Variants in SPTAN1 observed in about 807,000 individuals in gnomAD.
The protein encoded by SPTAN1 is spectrin alpha chain, non-erythrocytic 1.
SPTAN1 carries 61 observed loss-of-function variants against 331.3 expected under a neutral mutation model. That is an observed-to-expected ratio of 0.18 (90% CI 0.15 to 0.23). The LOEUF is 0.23. Among genes scored for constraint, SPTAN1 ranks in the 10% least tolerant of loss-of-function variants. The pLI, the probability that SPTAN1 is intolerant of heterozygous loss-of-function variation, is 1.00. For synonymous variants in SPTAN1, 1,153 were observed against 1,173.9 expected, an observed-to-expected ratio of 0.98 and a Z score of 0.36; for missense variants, 2,043 against 3,147.9, an observed-to-expected ratio of 0.65 and a Z score of 8.40.
chr9:128,584,433 A>C lies in SPTAN1; in HGVS notation c.2345A>C (p.Asp782Ala). 6.2e-7 allele frequency: 1 copy of C among 1,614,164 alleles called. No individual in the cohort carries two copies. Among genetic ancestry groups the C allele is most frequent in the Admixed American group, 1.7e-5 (1 of 60,030 alleles). Residue 782 changes from aspartate to alanine, a missense_variant, in exon 17 of 57, where the codon GAT (aspartate) becomes GCT (alanine). By Grantham distance (126) the Asp-to-Ala change is moderately radical. Coordinates refer to ENST00000372739, the MANE Select transcript of SPTAN1 (RefSeq NM_001130438.3). Reference sequence around the variant, plus strand: ...GTTGCCCGGAAGCAGAAGCTGGCCGATTCTCTGCGGTTGCAGCAGCTCTTC... The same window carrying C: ...GTTGCCCGGAAGCAGAAGCTGGCCGCTTCTCTGCGGTTGCAGCAGCTCTTC... ...PMVARKQKLA[D>A]SLRLQQLFRD...
intron 22 of SPTAN1, among the ~76,000 whole-genome samples, chr9:128,592,034 C>T (rs2131327191): frequency 6.6e-6 from 1 of 152,230 alleles, no homozygotes; most frequent in East Asian, 1.9e-4. Context: ...TGGCTCTGTC[C>T]TCTTTCCTCT....
intron 20 of SPTAN1, among the ~76,000 whole-genome samples, chr9:128,588,108 C>T (rs1852909380): frequency 6.6e-6 from 1 of 151,584 alleles, no homozygotes; most frequent in Non-Finnish European, 1.5e-5. Flanking sequence ...AGCAATTACC[C>T]TGCCTCAGCC....
At chr9:128,614,600 CAAAAAAAAAA>C (rs1856931843) in intron 40 of SPTAN1, among the ~76,000 whole-genome samples, 7 of 135,908 alleles carry the variant, frequency 5.2e-5, no homozygotes, top group Non-Finnish European at 1.2e-4. Flanking sequence ...AAAAAAAAAA[CAAAAAAAAAA>C]CACAAAAATT....
At chr9:128,563,866 G>A (rs902421994) in intron 1 of SPTAN1, among the ~76,000 whole-genome samples, 1 of 151,708 alleles carries the variant, frequency 6.6e-6, no homozygotes, top group Non-Finnish European at 1.5e-5. Context: ...TCGAACTTCT[G>A]GGCTCAAGCA....
rs1352801183 is a variant in SPTAN1 at position 128,626,557 on chromosome 9, A to G, written c.6446A>G (p.Gln2149Arg). ...TTCCGCTCCTCCCTCAGCTCTGCCC[A>G]GGCTGACTTCAACCAGCTGGCCGAG... ...DAFRSSLSSA[Q>R]ADFNQLAELD... is the part of the protein sequence containing the mutation. The change falls in exon 49 of 57, where the codon CAG becomes CGG. Residue 2149 changes from glutamine (Q) to arginine (R), a missense_variant. Coordinates refer to ENST00000372739, the MANE Select transcript of SPTAN1 (RefSeq NM_001130438.3). 6.2e-7 allele frequency: 1 copy of G among 1,614,098 alleles called. No homozygotes were observed. Among genetic ancestry groups the G allele is most frequent in the East Asian group, 2.2e-5 (1 of 44,888 alleles).
At position 128,604,651 on chromosome 9, in the gene SPTAN1, G is replaced by C. The variant is rs3793450; in HGVS notation, c.3719+234G>C. 5.5e-4 allele frequency among the ~76,000 whole-genome samples: 84 copies of C among 152,342 alleles called. No homozygotes were observed. The East Asian group carries it at 0.016, about 29-fold the overall frequency. ...ATGTCAGCTAAATAAATTTTTTTAGGCTGGGCGTGGTGGCTCATGCCTGTA... is the reference window on the plus strand; with the variant it reads ...ATGTCAGCTAAATAAATTTTTTTAGCCTGGGCGTGGTGGCTCATGCCTGTA... On this transcript the variant is annotated intron_variant, in intron 29 of 56. Coordinates refer to ENST00000372739, the MANE Select transcript of SPTAN1 (RefSeq NM_001130438.3).
intron 44 of SPTAN1, among the ~76,000 whole-genome samples, chr9:128,619,225 G>A (rs1454624450): frequency 6.6e-6 from 1 of 152,136 alleles, no homozygotes; most frequent in Non-Finnish European, 1.5e-5. Context: ...CTCAGTTCAC[G>A]GGCCCTGTCA....
intron 38 of SPTAN1, 43 bp from the exon 39 acceptor site, chr9:128,612,066 C>T (rs763880835): frequency 1.2e-6 from 2 of 1,613,970 alleles, no homozygotes; most frequent in East Asian, 4.5e-5. Flanking sequence ...AGGGACGATT[C>T]TTCATAGATT....
intron 27 of SPTAN1, among the ~76,000 whole-genome samples, chr9:128,600,974 C>CTGTTTTTTT (rs1855053107): frequency 2.4e-5 from 1 of 40,850 alleles, no homozygotes; most frequent in Non-Finnish European, 4.2e-5. Flanking sequence ...GGGAGAAAGT[C>CTGTTTTTTT]TTTTTTTTTT....
At chr9:128,579,076 A>G (rs115467682) in intron 9 of SPTAN1, among the ~76,000 whole-genome samples, 2,875 of 152,302 alleles carry the variant, frequency 0.019, 92 homozygotes, top group African/African-American at 0.066. Flanking sequence ...AATAGATAGA[A>G]TGATTTATCT....
chr9:128,631,484 C>G (rs1449893239), intron 52 of SPTAN1: 1 of 152,896 alleles, frequency 6.5e-6, no homozygotes, highest in Non-Finnish European at 1.5e-5. Flanking sequence ...GGCATGGTGG[C>G]CTACACCTGC....
At chr9:128,581,913 T>G (rs780295648) in intron 12 of SPTAN1, 21 bp downstream of exon 12, 1 of 1,511,232 alleles carries the variant, frequency 6.6e-7, no homozygotes. Flanking sequence ...TTCTTGTCAG[T>G]GCTTTCAAAT....
Position 128,560,107 on chromosome 9 carries a change from A to T in SPTAN1, c.-3-6631A>T, listed in dbSNP as rs181597099. Among the ~76,000 whole-genome samples, 28 of 124,984 alleles carry T rather than the reference A, an allele frequency of 2.2e-4. No homozygotes were observed. The East Asian group carries it at 5.1e-3, about 23-fold the overall frequency. 82.0% of individuals were successfully genotyped at this position (124,984 alleles called of 152,430 possible). On this transcript the variant is annotated intron_variant, in intron 1 of 56. Transcript: ENST00000372739. Reference sequence around the variant, plus strand: ...ACCTTTTTTTTTTTTTTTAAGAGACAGAGTCTCGCTCTGTCGCCCAGGCTG... The same window carrying T: ...ACCTTTTTTTTTTTTTTTAAGAGACTGAGTCTCGCTCTGTCGCCCAGGCTG...
Position 128,566,977 on chromosome 9 carries a change from G to A in SPTAN1, c.237G>A (p.Gln79=). 6.2e-7 allele frequency: 1 copy of A among 1,614,020 alleles called. No individual in the cohort carries two copies. The highest frequency in any genetic ancestry group is 1.3e-5 in the African/African-American group (1 of 75,048). ...DENYKDPTNL[Q]GKLQKHQAFE... ...ATTATAAAGACCCAACCAACTTGCAGGTACGTCTGATCTCCTGGGATTCCT... is the reference window on the plus strand; with the variant it reads ...ATTATAAAGACCCAACCAACTTGCAAGTACGTCTGATCTCCTGGGATTCCT... Residue 79 remains glutamine, a splice_region_variant and synonymous_variant, in exon 2 of 57, where the codon CAG becomes CAA. Coordinates refer to ENST00000372739, the MANE Select transcript of SPTAN1 (RefSeq NM_001130438.3).
At chr9:128,595,391 T>C (rs954965519) in intron 24 of SPTAN1, among the ~76,000 whole-genome samples, 2 of 152,230 alleles carry the variant, frequency 1.3e-5, no homozygotes, top group African/African-American at 4.8e-5. Flanking sequence ...ATTACAGGCA[T>C]GAGCTACCAT....
Position 128,575,280 on chromosome 9 carries a change from A to G in SPTAN1, c.586A>G (p.Thr196Ala), listed in dbSNP as rs940919276. 1.2e-6 allele frequency: 2 copies of G among 1,614,044 alleles called. No individual in the cohort carries two copies. The highest frequency in any genetic ancestry group is 1.7e-6 in the Non-Finnish European group (2 of 1,180,050). The part of the protein sequence containing the change: ...VLQKKFEEFQ[T>A]DMAAHEERVN... ...ACAGAAGAAATTTGAAGAGTTTCAA[A>G]CAGATATGGCTGCTCATGAAGAAAG... The change falls in exon 5 of 57, where the codon ACA becomes GCA. Residue 196 changes from threonine (T) to alanine (A), a missense_variant. Physicochemically the swap from Thr to Ala is moderately conservative, Grantham distance 58. Transcript: ENST00000372739.
chr9:128,574,860 A>G (rs201997683), intron 4 of SPTAN1, 45 bp downstream of exon 4: 63 of 1,613,032 alleles, frequency 3.9e-5, no homozygotes, highest in Non-Finnish European at 9.3e-6. Context: ...CTCAAAGAAA[A>G]GGGAAGAGAC....
At chr9:128,617,537 A>C in intron 41 of SPTAN1, 103 bp from the exon 42 acceptor site, 1 of 1,566,254 alleles carries the variant, frequency 6.4e-7, no homozygotes, top group African/African-American at 1.3e-5. Context: ...ATTTTCCCAG[A>C]AAGATTAGTA....
chr9:128,605,248 A>C, intron 30 of SPTAN1, 48 bp from the exon 31 acceptor site: 1 of 1,614,052 alleles, frequency 6.2e-7, no homozygotes, highest in African/African-American at 1.3e-5. Context: ...TCTGTTCTGC[A>C]GAGCATACCC....
Sources: allele counts gnomAD v4.1 joint callset (sites outside exome capture counted in the v4.1 genomes callset), GRCh38; gene constraint gnomAD v4.1.1; transcripts MANE v1.5; gene names NCBI Gene and HGNC (gene_info 2026-07-23, HGNC 2026-07-21).